TNKS2: variants seen among roughly 807,000 people sequenced by gnomAD.
TNKS2 encodes the protein tankyrase 2.
Under a neutral mutation model 137.6 loss-of-function variants are expected in TNKS2, and 72 were observed. That is an observed-to-expected ratio of 0.52 (90% CI 0.43 to 0.64). The LOEUF (loss-of-function observed/expected upper bound fraction) is 0.64. Ranked by LOEUF, TNKS2 falls within the 30% of genes least tolerant of loss-of-function variation. The pLI, the probability that TNKS2 is intolerant of heterozygous loss-of-function variation, is 0.00. For missense variants in TNKS2, 1,049 were observed against 1,410.2 expected, an observed-to-expected ratio of 0.74 and a Z score of 4.10; for synonymous variants, 516 against 512.1, an observed-to-expected ratio of 1.01 and a Z score of -0.10.
intron 16 of TNKS2, among the ~76,000 whole-genome samples, chr10:91,843,178 C>T (rs1209284180): frequency 1.3e-5 from 2 of 152,106 alleles, no homozygotes; most frequent in Non-Finnish European, 2.9e-5. Flanking sequence ...TGAGAGTTCT[C>T]ATAACAAAAT....
intron 3 of TNKS2, among the ~76,000 whole-genome samples, chr10:91,817,507 C>T (rs1359112008): frequency 6.6e-6 from 1 of 152,148 alleles, no homozygotes; most frequent in African/African-American, 2.4e-5. Context: ...ATATTCAGGA[C>T]ATTTTTTAAA....
intron 7 of TNKS2, among the ~76,000 whole-genome samples, chr10:91,825,762 A>T (rs919198668): frequency 1.3e-5 from 2 of 152,234 alleles, no homozygotes; most frequent in African/African-American, 4.8e-5. Flanking sequence ...CAACTCCAGT[A>T]CTTGGAAATG....
chr10:91,859,679 G>T lies in TNKS2; in HGVS notation c.3281+31G>T, dbSNP rs756420010. On this transcript the variant is annotated intron_variant, in intron 25 of 26. Coordinates refer to ENST00000371627, the MANE Select transcript of TNKS2 (RefSeq NM_025235.4). Reference sequence around the variant, plus strand: ...AGATCACTTGTTCTCATTTATTTTGGTGGTAATCAGATAAGAACTAGTTGC... The same window carrying T: ...AGATCACTTGTTCTCATTTATTTTGTTGGTAATCAGATAAGAACTAGTTGC... 18 of 1,582,874 alleles carry T rather than the reference G, an allele frequency of 1.1e-5. No homozygotes were observed. In the Admixed American group the frequency reaches 1.2e-4, roughly 11 times the overall value.
chr10:91,816,492 T>C (rs1452045551), intron 2 of TNKS2, among the ~76,000 whole-genome samples: 1 of 152,202 alleles, frequency 6.6e-6, no homozygotes, highest in Non-Finnish European at 1.5e-5. Flanking sequence ...CCTTAGACTC[T>C]TTACCTTGCA....
intron 1 of TNKS2, among the ~76,000 whole-genome samples, chr10:91,812,268 C>T (rs1844534602): frequency 1.3e-5 from 2 of 152,062 alleles, no homozygotes; most frequent in Admixed American, 1.3e-4. Flanking sequence ...ATCTGTAAAC[C>T]AGTATAAATA....
intron 1 of TNKS2, chr10:91,812,675 G>C (rs1844547513): frequency 1.6e-6 from 1 of 633,840 alleles, no homozygotes; most frequent in Non-Finnish European, 2.0e-6. Flanking sequence ...GAACTCTATT[G>C]TAGAGTGAGA....
At chr10:91,807,865 G>A (rs1017992720) in intron 1 of TNKS2, among the ~76,000 whole-genome samples, 6 of 152,034 alleles carry the variant, frequency 3.9e-5, no homozygotes, top group Admixed American at 6.5e-5. Flanking sequence ...GCGTGGTGGC[G>A]GGCACCTGTA....
chr10:91,847,698 C>T (rs1373760535), intron 18 of TNKS2, among the ~76,000 whole-genome samples: 1 of 152,160 alleles, frequency 6.6e-6, no homozygotes. Flanking sequence ...TTCTACCCAC[C>T]TCCTCTCCAA....
intron 26 of TNKS2, among the ~76,000 whole-genome samples, chr10:91,862,513 C>G (rs1201504830): frequency 6.6e-6 from 1 of 151,994 alleles, no homozygotes; most frequent in African/African-American, 2.4e-5. Context: ...AGATTTTATT[C>G]AAATTTCGCC....
intron 1 of TNKS2, among the ~76,000 whole-genome samples, chr10:91,802,507 C>T (rs1589637703): frequency 6.6e-6 from 1 of 152,162 alleles, no homozygotes; most frequent in Non-Finnish European, 1.5e-5. Flanking sequence ...GCTGGATTGG[C>T]ATTTTTCAGA....
At chr10:91,860,196 C>G (rs1222413760) in intron 25 of TNKS2, among the ~76,000 whole-genome samples, 1 of 152,182 alleles carries the variant, frequency 6.6e-6, no homozygotes, top group East Asian at 1.9e-4. Flanking sequence ...TGTTCTAACT[C>G]ACTTGTTAAA....
intron 20 of TNKS2, among the ~76,000 whole-genome samples, chr10:91,850,796 G>A (rs565459391): frequency 9.9e-5 from 15 of 152,198 alleles, no homozygotes; most frequent in African/African-American, 2.2e-4. Flanking sequence ...TTCATGGAAC[G>A]TGTGTAAGTA....
At chr10:91,801,803 TG>T (rs1184633582) in intron 1 of TNKS2, among the ~76,000 whole-genome samples, 1 of 152,134 alleles carries the variant, frequency 6.6e-6, no homozygotes. Context: ...CAACAGAATT[TG>T]TAGAGGCAAG....
At chr10:91,812,629 T>C (rs1011743281) in intron 1 of TNKS2, 2 of 291,602 alleles carry the variant, frequency 6.9e-6, no homozygotes, top group Non-Finnish European at 1.0e-5. Flanking sequence ...GTTTTATACT[T>C]TGAACATCTG....
chr10:91,810,347 C>T (rs1001198595), intron 1 of TNKS2, among the ~76,000 whole-genome samples: 4 of 151,830 alleles, frequency 2.6e-5, no homozygotes, highest in Admixed American at 2.6e-4. Context: ...CATTGCACTC[C>T]AGCCTGGGTG....
At chr10:91,800,661 G>A (rs1021218881) in intron 1 of TNKS2, among the ~76,000 whole-genome samples, 3 of 152,060 alleles carry the variant, frequency 2.0e-5, no homozygotes, top group Admixed American at 1.3e-4. Context: ...TCAGGTATAG[G>A]TTATCAGATT....
Position 91,848,574 on chromosome 10 carries a change from A to G in TNKS2, c.2550A>G (p.Glu850=). 1 of 1,614,208 alleles carries G rather than the reference A, an allele frequency of 6.2e-7. No individual in the cohort carries two copies. Among genetic ancestry groups the G allele is most frequent in the Non-Finnish European group, 8.5e-7 (1 of 1,180,044 alleles). ...SLDNLSGSFS[E]LSSVVSSSGT... ...ACAACTTATCTGGGAGTTTTTCAGA[A>G]CTGTCTTCAGTAGTTAGTTCAAGTG... The change falls in exon 19 of 27, where the codon GAA becomes GAG. Residue 850 remains glutamate, a synonymous_variant. Coordinates refer to ENST00000371627, the MANE Select transcript of TNKS2 (RefSeq NM_025235.4).
At chr10:91,835,255 A>G (rs1015159925) in intron 12 of TNKS2, among the ~76,000 whole-genome samples, 10 of 149,476 alleles carry the variant, frequency 6.7e-5, no homozygotes, top group Non-Finnish European at 1.2e-4. Context: ...CATAATTTTA[A>G]TGTGTTTATT....
At chr10:91,821,127 TC>T (rs1311111661) in intron 6 of TNKS2, among the ~76,000 whole-genome samples, 2 of 152,132 alleles carry the variant, frequency 1.3e-5, no homozygotes, top group Non-Finnish European at 2.9e-5. Flanking sequence ...AACCTCCACC[TC>T]CCGGGTTCAA....
Sources: gnomAD v4.1 joint callset for allele counts (sites outside exome capture counted in the v4.1 genomes callset) on GRCh38, gnomAD v4.1.1 for gene constraint, MANE v1.5 for transcripts, NCBI Gene and HGNC (gene_info 2026-07-23, HGNC 2026-07-21) for gene names.